Variants in CMTM4 observed in about 807,000 individuals in gnomAD.
CMTM4 encodes the protein CKLF like MARVEL transmembrane domain containing 4.
In CMTM4, 8 loss-of-function variants were observed where a neutral mutation model predicts 19.0. The ratio of observed to expected loss-of-function variants is 0.42; its 90% confidence interval spans 0.25 to 0.76. CMTM4 has a LOEUF of 0.76. Among genes scored for constraint, CMTM4 ranks in the 30% least tolerant of loss-of-function variants. The pLI is 0.27. For missense variants in CMTM4, 228 were observed against 290.2 expected, an observed-to-expected ratio of 0.79 and a Z score of 1.56; for synonymous variants, 106 against 121.1, an observed-to-expected ratio of 0.88 and a Z score of 0.82.
chr16:66,638,017 TC>T (rs1339017525), intron 1 of CMTM4, among the ~76,000 whole-genome samples: 1 of 152,208 alleles, frequency 6.6e-6, no homozygotes, highest in African/African-American at 2.4e-5. Context: ...GGGGCCTTTC[TC>T]CACCTGCTGA....
chr16:66,612,626 G>A, downstream of CMTM4: 1 of 1,614,096 alleles, frequency 6.2e-7, no homozygotes, highest in Non-Finnish European at 8.5e-7. The surrounding 1 kb of genome is among the most constrained non-coding windows in gnomAD (Gnocchi z 6.0). Context: ...TTCCGACTCG[G>A]ACTCTGACTG....
At chr16:66,675,195 C>G (rs1403521938) in intron 1 of CMTM4, among the ~76,000 whole-genome samples, 1 of 151,564 alleles carries the variant, frequency 6.6e-6, no homozygotes, top group Non-Finnish European at 1.5e-5. Flanking sequence ...ATTCTCCTGC[C>G]TCAGCCTCCC....
rs1021542359 is a variant in CMTM4, at chr16:66,617,500, T to C, written c.*4558A>G. The C allele has an allele frequency of 7.0e-6, 10 of 1,420,064 alleles. No homozygotes were observed. The Admixed American group carries it at 2.3e-4, about 33-fold the overall frequency. 88.0% of individuals were successfully genotyped at this position (1,420,064 alleles called of 1,614,324 possible). On this transcript the variant is annotated 3_prime_UTR_variant, in exon 4 of 4. Transcript: ENST00000394106. Reference sequence around the variant, plus strand: ...GTGTACAAAATGCCACTCACTTGCATGAAGAAGAATTAAACAGAACATTCA... The same window carrying C: ...GTGTACAAAATGCCACTCACTTGCACGAAGAAGAATTAAACAGAACATTCA...
the CMTM4 span, among the ~76,000 whole-genome samples, chr16:66,602,169 G>C: frequency 6.6e-6 from 1 of 152,226 alleles, no homozygotes; most frequent in Non-Finnish European, 1.5e-5. Context: ...GGCCGAGGCG[G>C]GAAGATTGTT....
intron 2 of CMTM4, among the ~76,000 whole-genome samples, chr16:66,625,008 T>C (rs1001827342): frequency 1.3e-5 from 2 of 151,184 alleles, no homozygotes; most frequent in Non-Finnish European, 2.9e-5. Flanking sequence ...AAAAAGAATA[T>C]AAAATATACT....
chr16:66,642,998 G>A (rs1260142203), intron 1 of CMTM4, among the ~76,000 whole-genome samples: 1 of 152,158 alleles, frequency 6.6e-6, no homozygotes, highest in African/African-American at 2.4e-5. Context: ...CTTGGCAAGT[G>A]CAACCTCTGC....
At chr16:66,609,885 G>A (rs377673415), downstream of CMTM4, 81 of 1,614,082 alleles carry the variant, frequency 5.0e-5, no homozygotes, top group Middle Eastern at 1.6e-4. This position sits in a 1 kb window ranked among gnomAD's most constrained non-coding sequence, Gnocchi z 4.4. Flanking sequence ...GTCCACAGGT[G>A]TTTGGCTTCT....
intron 1 of CMTM4, among the ~76,000 whole-genome samples, chr16:66,649,148 C>G (rs1445354868): frequency 6.6e-6 from 1 of 152,092 alleles, no homozygotes; most frequent in South Asian, 2.1e-4. Flanking sequence ...GGCTGCCTAC[C>G]GTGAGCTATG....
the CMTM4 span, chr16:66,608,474 G>C: frequency 5.6e-6 from 9 of 1,613,042 alleles, no homozygotes; most frequent in African/African-American, 1.3e-5. This position sits in a 1 kb window ranked among gnomAD's most constrained non-coding sequence, Gnocchi z 5.1. Context: ...GGTGAGGACA[G>C]GGGCCCCAGG....
chr16:66,695,666 G>A (rs2017219914), intron 1 of CMTM4, among the ~76,000 whole-genome samples: 1 of 152,156 alleles, frequency 6.6e-6, no homozygotes, highest in Non-Finnish European at 1.5e-5. Context: ...TCCAAAACTG[G>A]CTGCCCTCCC....
chr16:66,658,439 C>T (rs957951811), intron 1 of CMTM4, among the ~76,000 whole-genome samples: 3 of 152,170 alleles, frequency 2.0e-5, no homozygotes, highest in South Asian at 2.1e-4. Flanking sequence ...AACTCCCATT[C>T]GAGTCGCACT....
chr16:66,675,074 A>AT (rs112117198), intron 1 of CMTM4, among the ~76,000 whole-genome samples: 6,249 of 147,902 alleles, frequency 0.042, 237 homozygotes, highest in East Asian at 0.15. Flanking sequence ...TACTTAAAAA[A>AT]ATTTTTTTTT....
downstream of CMTM4, chr16:66,611,147 TTA>T (rs1387208722): frequency 2.1e-4 from 71 of 338,504 alleles, no homozygotes; most frequent in East Asian, 3.1e-3. Flanking sequence ...TATTCTTGAC[TTA>T]TATGTTAGAA....
At chr16:66,653,114 T>C (rs2016341190) in intron 1 of CMTM4, among the ~76,000 whole-genome samples, 1 of 152,120 alleles carries the variant, frequency 6.6e-6, no homozygotes, top group Admixed American at 6.6e-5. Context: ...ATCCCCAGAA[T>C]ACAAAAGCAA....
At chr16:66,656,344 TGA>T (rs1335704810) in intron 1 of CMTM4, among the ~76,000 whole-genome samples, 5 of 152,142 alleles carry the variant, frequency 3.3e-5, no homozygotes, top group African/African-American at 1.2e-4. Context: ...AACTAATGAA[TGA>T]AAGGGTTTTT....
Position 66,619,514 on chromosome 16 carries a change from C to T in CMTM4, c.*2544G>A, listed in dbSNP as rs1009081093. ...ATTGGTCCCTATTGAAACTATTAAA[C>T]GCAAAAACGCTTCCTTCAATTTGCC... is the stretch of plus-strand genomic sequence containing the variant. On this transcript the variant is annotated 3_prime_UTR_variant, in exon 4 of 4. Transcript: ENST00000394106. The T allele has an allele frequency of 5.7e-5, 56 of 985,396 alleles. No individual in the cohort carries two copies. Among genetic ancestry groups the T allele is most frequent in the Non-Finnish European group, 6.3e-5 (52 of 829,928 alleles). 61.0% of individuals were successfully genotyped at this position (985,396 alleles called of 1,614,324 possible). A position where few individuals can be genotyped will look rare whatever the true frequency, so the allele number is the denominator to read the frequency against.
rs146201516 is a variant in CMTM4 at position 66,636,528 on chromosome 16, C to A, written c.240G>T (p.Pro80=). 4 of 1,614,134 alleles carry A rather than the reference C, an allele frequency of 2.5e-6. No individual in the cohort carries two copies. Among genetic ancestry groups the A allele is most frequent in the Admixed American group, 1.7e-5 (1 of 60,014 alleles). The change falls in exon 2 of 4, where the codon CCG becomes CCT. Residue 80 remains proline (P), a synonymous_variant. Coordinates refer to ENST00000394106, the MANE Select transcript of CMTM4 (RefSeq NM_181521.3). ...ACTCAAAAAAGTAGAGGCCTTCACA[C>A]GGGGAGCATGCCATGATGGTCTCTA... ...ICIETIMACS[P]CEGLYFFEFV...
At chr16:66,684,131 G>A (rs970878050) in intron 1 of CMTM4, among the ~76,000 whole-genome samples, 3 of 152,032 alleles carry the variant, frequency 2.0e-5, no homozygotes, top group African/African-American at 7.2e-5. Flanking sequence ...GCTTACTGTG[G>A]TTTAGAGTAT....
chr16:66,619,500 T>C lies in CMTM4; in HGVS notation c.*2558A>G, dbSNP rs1010314913. On this transcript the variant is annotated 3_prime_UTR_variant, in exon 4 of 4. Transcript: ENST00000394106. ...CAAACCAAACTGATATTGGTCCCTATTGAAACTATTAAACGCAAAAACGCT... is the reference window on the plus strand; with the variant it reads ...CAAACCAAACTGATATTGGTCCCTACTGAAACTATTAAACGCAAAAACGCT... The C allele has an allele frequency of 2.9e-5, 29 of 985,312 alleles. No homozygotes were observed. In the South Asian group the frequency reaches 5.2e-4, roughly 18 times the overall value. 61.0% of individuals were successfully genotyped at this position (985,312 alleles called of 1,614,324 possible).
Sources: gnomAD v4.1 joint callset for allele counts (sites outside exome capture counted in the v4.1 genomes callset) on GRCh38, gnomAD v4.1.1 for gene constraint, Gnocchi (gnomAD v3.1) non-coding constraint, MANE v1.5 for transcripts, NCBI Gene and HGNC (gene_info 2026-07-23, HGNC 2026-07-21) for gene names.